The following ABR variants were observed in gnomAD, a reference collection of about 807,000 sequenced individuals.
The protein encoded by ABR is active breakpoint cluster region-related protein.
Under a neutral mutation model 107.2 loss-of-function variants are expected in ABR, and 35 were observed. The ratio of observed to expected loss-of-function variants is 0.33; its 90% CI spans 0.25 to 0.43. The LOEUF is 0.43. ABR is among the 20% of genes least tolerant of loss of function. The pLI is 1.00. For missense variants in ABR, 815 were observed against 1,115.2 expected, an observed-to-expected ratio of 0.73 and a Z score of 3.83; for synonymous variants, 498 against 462.0, an observed-to-expected ratio of 1.08 and a Z score of -1.00.
At chr17:1,012,503 C>T (rs1358190445) in intron 18 of ABR, 185 bp downstream of exon 18, 2 of 701,796 alleles carry the variant, frequency 2.8e-6, no homozygotes, top group Non-Finnish European at 5.2e-6. Flanking sequence ...GGCTCGCGTG[C>T]TTCTGAAGTG....
chr17:1,020,670 G>T lies in ABR; in HGVS notation c.1792-7506C>A, dbSNP rs557222512. ...TGGACCGAAGTGACCTCATGTTTGG[G>T]GCAGGAATCAGCAAAGTGGCCCCGC... On this transcript the variant is annotated intron_variant, in intron 16 of 22. Coordinates refer to ENST00000302538, the MANE Select transcript of ABR (RefSeq NM_021962.5). 6.0e-4 allele frequency among the ~76,000 whole-genome samples: 92 copies of T among 152,280 alleles called. 1 individual carries two copies. Among genetic ancestry groups the T allele is most frequent in the African/African-American group, 2.1e-3 (86 of 41,582 alleles).
upstream of ABR, among the ~76,000 whole-genome samples, chr17:1,190,813 C>T (rs182179009): frequency 5.3e-5 from 8 of 152,332 alleles, no homozygotes; most frequent in African/African-American, 1.2e-4. Context: ...CTCTGCCCCA[C>T]GGCGCTGCAG....
Position 1,036,125 on chromosome 17 carries a change from A to C in ABR, c.1791+13925T>G, listed in dbSNP as rs557867234. Among the ~76,000 whole-genome samples, 477 of 151,710 alleles carry C rather than the reference A, an allele frequency of 3.1e-3. 2 individuals carry two copies. The highest frequency in any genetic ancestry group is 0.011 in the African/African-American group (458 of 41,364). On this transcript the variant is annotated intron_variant, in intron 16 of 22. Coordinates refer to ENST00000302538, the MANE Select transcript of ABR (RefSeq NM_021962.5). ...TTCCTGGAGTGACCTCCTTTTTCCC[A>C]CCAGAACGACGCTCCTCTCCCCCAG...
chr17:1,212,251 A>G (rs2042917088), intron 1 of ABR, among the ~76,000 whole-genome samples: 1 of 151,528 alleles, frequency 6.6e-6, no homozygotes, highest in Non-Finnish European at 1.5e-5. Flanking sequence ...CAACAGAGCA[A>G]GACCTCATCT....
intron 1 of ABR, among the ~76,000 whole-genome samples, chr17:1,204,688 C>G (rs542424979): frequency 3.9e-5 from 6 of 152,220 alleles, no homozygotes; most frequent in South Asian, 4.1e-4. Flanking sequence ...AGTAAGCTGT[C>G]TATATCATAT....
Position 1,195,304 on chromosome 17 carries a change from CAA to C in ABR, c.838+33487_838+33488del, listed in dbSNP as rs564020208. Among the ~76,000 whole-genome samples the C allele has an allele frequency of 3.4e-5, 3 of 87,572 alleles. 1 individual carries two copies. Among genetic ancestry groups the C allele is most frequent in the Non-Finnish European group, 4.8e-5 (2 of 41,968 alleles). 57.5% of individuals were successfully genotyped at this position (87,572 alleles called of 152,430 possible). On this transcript the variant is annotated intron_variant, in intron 1 of 22. Transcript: ENST00000574139. Reference sequence around the variant, plus strand: ...CCTGGGCGACAGAATGAGACTGTCTCAAAAAAAAAAAAAAGTCCTGGCCTCAA... The same window carrying C: ...CCTGGGCGACAGAATGAGACTGTCTCAAAAAAAAAAAAGTCCTGGCCTCAA...
intron 16 of ABR, among the ~76,000 whole-genome samples, chr17:1,024,024 CAAAAAAAAAAAAA>C (rs11334940): frequency 0.012 from 596 of 47,724 alleles, 37 homozygotes; most frequent in East Asian, 0.11. Context: ...GACTCCATCT[CAAAAAAAAAAAAA>C]AAAAAAAAAA....
chr17:1,211,565 C>G (rs1275721810), intron 1 of ABR, among the ~76,000 whole-genome samples: 1 of 152,116 alleles, frequency 6.6e-6, no homozygotes, highest in Non-Finnish European at 1.5e-5. Flanking sequence ...CCTCATTAAT[C>G]CCCACAACAT....
At chr17:1,125,040 G>A in intron 2 of ABR, 143 bp downstream of exon 2, 1 of 812,854 alleles carries the variant, frequency 1.2e-6, no homozygotes, top group Non-Finnish European at 1.8e-6. Context: ...GCCAGGACGA[G>A]ATGACGAGGC....
chr17:1,061,574 A>C (rs1184443100), intron 10 of ABR, among the ~76,000 whole-genome samples: 4 of 150,434 alleles, frequency 2.7e-5, no homozygotes, highest in African/African-American at 7.4e-5. Context: ...ATGGAGTCCC[A>C]CTCACTCTGT....
intron 16 of ABR, among the ~76,000 whole-genome samples, chr17:1,025,422 C>T (rs912415122): frequency 3.3e-5 from 5 of 152,232 alleles, no homozygotes; most frequent in East Asian, 1.9e-4. Flanking sequence ...TCGTACAGTA[C>T]GTGTTCAAAA....
chr17:1,044,425 A>G (rs555972239), intron 16 of ABR, among the ~76,000 whole-genome samples: 2 of 152,212 alleles, frequency 1.3e-5, no homozygotes, highest in East Asian at 3.9e-4. Context: ...TGAGGTGGAC[A>G]GATCACCTGA....
rs1028667256 is a variant in ABR at position 1,169,134 on chromosome 17, G to A, written c.61+10533C>T. On this transcript the variant is annotated intron_variant, in intron 1 of 22. Transcript: ENST00000302538. Reference sequence around the variant, plus strand: ...AGGAGGGAGGGAGGACGTGGGTTTTGTCTAGACAGAGGCACTCACAAAGCC... The same window carrying A: ...AGGAGGGAGGGAGGACGTGGGTTTTATCTAGACAGAGGCACTCACAAAGCC... 2.0e-5 allele frequency among the ~76,000 whole-genome samples: 3 copies of A among 152,212 alleles called. No homozygotes were observed. In the South Asian group the frequency reaches 6.2e-4, roughly 31 times the overall value.
chr17:1,200,933 G>C lies in ABR; in HGVS notation c.838+27860C>G, dbSNP rs1024805400. Among the ~76,000 whole-genome samples, 3 of 152,168 alleles carry C rather than the reference G, an allele frequency of 2.0e-5. No homozygotes were observed. Among genetic ancestry groups the C allele is most frequent in the African/African-American group, 7.2e-5 (3 of 41,444 alleles). On this transcript the variant is annotated intron_variant, in intron 1 of 22. Transcript: ENST00000574139. The surrounding 1 kb of genome is among the most constrained non-coding windows in gnomAD (Gnocchi z 4.1). Reference sequence around the variant, plus strand: ...GCTTAGAGACTGGGAGAAAGCCTTGGGGTTGGCCAGGGACACCCACCTGCC... The same window carrying C: ...GCTTAGAGACTGGGAGAAAGCCTTGCGGTTGGCCAGGGACACCCACCTGCC...
chr17:1,195,979 A>C (rs1313782727), intron 1 of ABR, among the ~76,000 whole-genome samples: 2 of 150,428 alleles, frequency 1.3e-5, no homozygotes, highest in African/African-American at 5.0e-5. Flanking sequence ...AAATACAAAA[A>C]TTAGCCAGGC....
chr17:1,012,154 C>T, intron 18 of ABR, 169 bp from the exon 19 acceptor site: 2 of 1,116,182 alleles, frequency 1.8e-6, no homozygotes, highest in Non-Finnish European at 2.6e-6. Flanking sequence ...CCACCCCAGC[C>T]AGCCCACCCG....
chr17:1,136,387 C>A (rs1043774182), intron 1 of ABR, among the ~76,000 whole-genome samples: 1 of 86,600 alleles, frequency 1.2e-5, no homozygotes, highest in Non-Finnish European at 2.7e-5. Flanking sequence ...CACCACCAGG[C>A]CTGGCTGATT....
intron 16 of ABR, among the ~76,000 whole-genome samples, chr17:1,040,382 G>C (rs1466308334): frequency 6.6e-6 from 1 of 152,208 alleles, no homozygotes; most frequent in Non-Finnish European, 1.5e-5. Context: ...CCCAGCCGCT[G>C]ACAAAGGCCC....
chr17:1,091,855 G>A lies in ABR; in HGVS notation c.346-5C>T, dbSNP rs1253969579. 1 of 1,611,366 alleles carries A rather than the reference G, an allele frequency of 6.2e-7. No individual in the cohort carries two copies. Among genetic ancestry groups the A allele is most frequent in the Non-Finnish European group, 8.5e-7 (1 of 1,178,538 alleles). ...GGCCTTCAGGGGTTTCATGGGCTGG[G>A]AGAAACAGAGGAAGAAAGAGCAGAG... On this transcript the variant is annotated splice_region_variant and splice_polypyrimidine_tract_variant and intron_variant, in intron 3 of 22. Transcript: ENST00000302538.
Sources: allele counts gnomAD v4.1 joint callset (sites outside exome capture counted in the v4.1 genomes callset), GRCh38; gene constraint gnomAD v4.1.1; non-coding constraint Gnocchi (gnomAD v3.1); transcripts MANE v1.5; gene names NCBI Gene and HGNC (gene_info 2026-07-23, HGNC 2026-07-21).